GABRA3: variants seen among roughly 807,000 people sequenced by gnomAD.
The protein encoded by GABRA3 is gamma-aminobutyric acid receptor subunit alpha-3.
A neutral mutation model predicts 30.1 loss-of-function variants in GABRA3; 10 were observed. The observed-to-expected ratio is 0.33, with a 90% CI of 0.20 to 0.56. GABRA3 has a LOEUF of 0.56. Among genes scored for constraint, GABRA3 ranks in the 20% least tolerant of loss-of-function variants. The probability of loss-of-function intolerance (pLI) is 0.89; values close to 1 mark genes in which losing one functional copy is unlikely to be tolerated. For synonymous variants in GABRA3, 151 were observed against 146.8 expected (o/e 1.03, Z -0.21); for missense variants, 233 against 392.0 (o/e 0.59, Z 3.42).
chrX:152,393,398 A>G (rs1929546907), intron 1 of GABRA3: 1 of 368,588 alleles, frequency 2.7e-6, no homozygotes, highest in Non-Finnish European at 5.4e-6. Flanking sequence ...TACACGATGC[A>G]TAAAACACTA....
At chrX:152,346,084 A>G (rs1393455139) in intron 2 of GABRA3, among the ~76,000 whole-genome samples, 1 of 111,980 alleles carries the variant, frequency 8.9e-6, no homozygotes, top group Admixed American at 9.5e-5. Flanking sequence ...GGGAAATGTT[A>G]CTGAGAACTT....
At chrX:152,270,747 T>G (rs1938917536) in intron 4 of GABRA3, among the ~76,000 whole-genome samples, 1 of 108,718 alleles carries the variant, frequency 9.2e-6, no homozygotes, top group African/African-American at 3.3e-5. Context: ...CCCAGCTACT[T>G]GGGAGGCTGA....
At chrX:152,369,871 T>C (rs1853934191) in intron 1 of GABRA3, among the ~76,000 whole-genome samples, 2 of 111,493 alleles carry the variant, frequency 1.8e-5, no homozygotes, top group African/African-American at 3.3e-5. Flanking sequence ...TAATAAATAC[T>C]GAATAAATGA....
intron 1 of GABRA3, among the ~76,000 whole-genome samples, chrX:152,408,926 A>C (rs749731514): frequency 1.8e-5 from 2 of 112,300 alleles, no homozygotes; most frequent in African/African-American, 3.2e-5. Context: ...TGCATTTGTG[A>C]CCAATTCATT....
chrX:152,278,814 A>T (rs1939140767), intron 4 of GABRA3, among the ~76,000 whole-genome samples: 1 of 112,115 alleles, frequency 8.9e-6, no homozygotes, highest in Non-Finnish European at 1.9e-5. Flanking sequence ...AACTGGTGTG[A>T]GATGGTATCT....
At chrX:152,220,695 C>T (rs1451808651) in intron 6 of GABRA3, among the ~76,000 whole-genome samples, 1 of 111,630 alleles carries the variant, frequency 9.0e-6, no homozygotes, top group Non-Finnish European at 1.9e-5. Context: ...TCCAGATTTG[C>T]TCAACATCCT....
chrX:152,257,876 C>T (rs1012086182), intron 4 of GABRA3, among the ~76,000 whole-genome samples: 4 of 111,838 alleles, frequency 3.6e-5, no homozygotes, highest in East Asian at 5.7e-4. Flanking sequence ...GATTGACATC[C>T]GAATATATAC....
At chrX:152,339,830 A>C (rs1940289020) in intron 3 of GABRA3, among the ~76,000 whole-genome samples, 1 of 111,710 alleles carries the variant, frequency 9.0e-6, no homozygotes, top group African/African-American at 3.2e-5. Context: ...TTTTTCTGAT[A>C]TTAAAATAAC....
intron 7 of GABRA3, among the ~76,000 whole-genome samples, chrX:152,207,076 T>G (rs1213993582): frequency 8.9e-6 from 1 of 111,847 alleles, no homozygotes; most frequent in African/African-American, 3.3e-5. Context: ...TTCAATTCCA[T>G]TTCAAATGTT....
At chrX:152,218,965 A>G (rs1250326432) in intron 6 of GABRA3, among the ~76,000 whole-genome samples, 1 of 111,207 alleles carries the variant, frequency 9.0e-6, no homozygotes, top group Non-Finnish European at 1.9e-5. Flanking sequence ...TTCTAAGATT[A>G]ATTTTAACTG....
intron 5 of GABRA3, among the ~76,000 whole-genome samples, chrX:152,245,996 T>A (rs1177204262): frequency 1.8e-5 from 2 of 111,788 alleles, no homozygotes; most frequent in Non-Finnish European, 3.8e-5. Context: ...ATTTAATAAA[T>A]ATTTCTGTGA....
intron 1 of GABRA3, among the ~76,000 whole-genome samples, chrX:152,388,014 T>A (rs1242464531): frequency 8.9e-6 from 1 of 111,960 alleles, no homozygotes; most frequent in Non-Finnish European, 1.9e-5. Flanking sequence ...TAACAGTATA[T>A]TAGTTAAATT....
At chrX:152,298,176 T>G (rs933308791) in intron 3 of GABRA3, among the ~76,000 whole-genome samples, 16 of 111,796 alleles carry the variant, frequency 1.4e-4, no homozygotes, top group Non-Finnish European at 2.3e-4. Flanking sequence ...GATGTGGAGG[T>G]TGGGTTAGTC....
intron 3 of GABRA3, among the ~76,000 whole-genome samples, chrX:152,300,561 G>A (rs761160141): frequency 5.3e-5 from 6 of 112,340 alleles, no homozygotes; most frequent in Admixed American, 3.8e-4. Context: ...TGTCAACTGC[G>A]AAAGCCCAGA....
At chrX:152,406,094 T>G (rs747201097) in intron 1 of GABRA3, among the ~76,000 whole-genome samples, 2 of 109,022 alleles carry the variant, frequency 1.8e-5, no homozygotes, top group Non-Finnish European at 3.8e-5. Context: ...GTCACATCAT[T>G]CCCGAGTTTA....
In GABRA3 at chrX:152,189,998, G is replaced by A. The variant is rs1197031249; in HGVS notation, c.932-57C>T. 1.8e-5 allele frequency: 15 copies of A among 834,379 alleles called. 1 individual carries two copies. Among genetic ancestry groups the A allele is most frequent in the Middle Eastern group, 2.9e-4 (1 of 3,408 alleles). The allele number at this position is 834,379 out of a possible 1,213,427, so 68.8% of individuals were successfully genotyped here. A position where few individuals can be genotyped will look rare whatever the true frequency, so the allele number is the denominator to read the frequency against. On this transcript the variant is annotated intron_variant, in intron 8 of 9. Coordinates refer to ENST00000370314, the MANE Select transcript of GABRA3 (RefSeq NM_000808.4). Reference sequence around the variant, plus strand: ...ACTGGAAGACATTGAGAGCTTATTCGATGAAATCACTAATTTCCTATTTGA... The same window carrying A: ...ACTGGAAGACATTGAGAGCTTATTCAATGAAATCACTAATTTCCTATTTGA...
At chrX:152,409,952 A>T (rs1239892026) in intron 1 of GABRA3, among the ~76,000 whole-genome samples, 1 of 112,864 alleles carries the variant, frequency 8.9e-6, no homozygotes, top group Non-Finnish European at 1.9e-5. Flanking sequence ...CAAAATAGAG[A>T]ATCAACCTAA....
chrX:152,252,352 G>A (rs1938570523), intron 5 of GABRA3, among the ~76,000 whole-genome samples: 1 of 111,344 alleles, frequency 9.0e-6, no homozygotes, highest in African/African-American at 3.3e-5. Flanking sequence ...TAAAAAATGT[G>A]TAAACAGGGT....
At chrX:152,203,113 C>T (rs1937505423) in intron 7 of GABRA3, among the ~76,000 whole-genome samples, 2 of 111,661 alleles carry the variant, frequency 1.8e-5, no homozygotes, top group Admixed American at 1.9e-4. Flanking sequence ...GGACACAGAC[C>T]TGGAGGCTGC....
Sources: gnomAD v4.1 joint callset for allele counts (sites outside exome capture counted in the v4.1 genomes callset) on GRCh38, gnomAD v4.1.1 for gene constraint, MANE v1.5 for transcripts, NCBI Gene and HGNC (gene_info 2026-07-23, HGNC 2026-07-21) for gene names.